The following APBB2 variants were observed in gnomAD, a reference collection of about 807,000 sequenced individuals.
The protein encoded by APBB2 is Fe65-like 1.
A neutral mutation model predicts 82.5 loss-of-function variants in APBB2; 38 were observed. The observed-to-expected ratio is 0.46, with a 90% confidence interval of 0.36 to 0.60. The LOEUF is 0.60. Among genes scored for constraint, APBB2 ranks in the 20% least tolerant of loss-of-function variants. APBB2 has a pLI of 0.00. For missense variants in APBB2, 772 were observed against 972.3 expected (o/e 0.79, Z 2.74); for synonymous variants, 341 against 368.2 (o/e 0.93, Z 0.85).
At chr4:41,158,499 G>C (rs1764026379) in intron 1 of APBB2, among the ~76,000 whole-genome samples, 1 of 152,182 alleles carries the variant, frequency 6.6e-6, no homozygotes, top group African/African-American at 2.4e-5. Context: ...ACATGTCTGG[G>C]CAACAGGTCT....
At chr4:41,142,338 C>G (rs776538660) in intron 2 of APBB2, among the ~76,000 whole-genome samples, 1 of 152,190 alleles carries the variant, frequency 6.6e-6, no homozygotes, top group Non-Finnish European at 1.5e-5. Context: ...ACCTGGCCCA[C>G]AGTGAGAGCA....
At chr4:41,030,477 G>A (rs189486206) in intron 5 of APBB2, among the ~76,000 whole-genome samples, 8 of 152,220 alleles carry the variant, frequency 5.3e-5, no homozygotes, top group African/African-American at 1.9e-4. Context: ...ATGCACTACA[G>A]CCTCAAATTC....
At position 40,934,508 on chromosome 4, in the gene APBB2, G is replaced by C; in HGVS notation, c.1202C>G (p.Pro401Arg). The C allele has an allele frequency of 6.2e-7, 1 of 1,614,132 alleles. No individual in the cohort carries two copies. Among genetic ancestry groups the C allele is most frequent in the South Asian group, 1.1e-5 (1 of 91,080 alleles). The change falls in exon 10 of 18, where the codon CCA (proline) becomes CGA (arginine). Residue 401 changes from proline to arginine, a missense_variant. Pro to Arg is a moderately radical substitution (Grantham distance 103). Transcript: ENST00000508593. ...RYASLKLRNAPHPDDDDSCSI... is the reference protein window; with the variant it reads ...RYASLKLRNARHPDDDDSCSI... ...ACAAGAATCATCATCATCAGGGTGTGGGGCATTTCTAGGCAGAAAAACAGA... is the reference window on the plus strand; with the variant it reads ...ACAAGAATCATCATCATCAGGGTGTCGGGCATTTCTAGGCAGAAAAACAGA...
chr4:41,157,039 C>G (rs540478135), intron 1 of APBB2, among the ~76,000 whole-genome samples: 14 of 145,316 alleles, frequency 9.6e-5, no homozygotes, highest in African/African-American at 3.4e-4. Context: ...GCACTCCAGC[C>G]TAGGTGACAG....
intron 1 of APBB2, among the ~76,000 whole-genome samples, chr4:41,170,986 C>T (rs1188181581): frequency 6.6e-6 from 1 of 152,172 alleles, no homozygotes; most frequent in African/African-American, 2.4e-5. Flanking sequence ...TGATAACATC[C>T]AGTGACTCAA....
rs1015580077 is a variant in APBB2 at position 40,869,163 on chromosome 4, G to A, written c.1529+21201C>T. Among the ~76,000 whole-genome samples, 10 of 152,092 alleles carry A rather than the reference G, an allele frequency of 6.6e-5. No homozygotes were observed. In the South Asian group the frequency reaches 2.1e-3, roughly 32 times the overall value. On this transcript the variant is annotated intron_variant, in intron 12 of 17. Coordinates refer to ENST00000508593, the MANE Select transcript of APBB2 (RefSeq NM_004307.2). ...CCTGCCTCAGACTCCTGAGTAGCTG[G>A]GATTACAGGCACCTGCCTGTAAACA...
At chr4:41,208,018 C>T (rs1778391228) in intron 1 of APBB2, 1 of 152,136 alleles carries the variant, frequency 6.6e-6, no homozygotes. Flanking sequence ...AACCACTAAC[C>T]AACAATAAAT....
At chr4:41,002,423 T>C (rs1805495539) in intron 6 of APBB2, among the ~76,000 whole-genome samples, 1 of 152,212 alleles carries the variant, frequency 6.6e-6, no homozygotes, top group Admixed American at 6.5e-5. Context: ...AAGAAGACTG[T>C]AGATCCAAGG....
chr4:41,180,200 A>C (rs1770942180), intron 1 of APBB2, among the ~76,000 whole-genome samples: 2 of 152,238 alleles, frequency 1.3e-5, no homozygotes, highest in Admixed American at 1.3e-4. Flanking sequence ...CCTCCTCGCT[A>C]TCTCTTACAA....
intron 15 of APBB2, among the ~76,000 whole-genome samples, chr4:40,825,207 C>T (rs1435807809): frequency 2.6e-5 from 4 of 152,222 alleles, no homozygotes; most frequent in Non-Finnish European, 5.9e-5. Context: ...CATGCACAAA[C>T]GTTTTCACTT....
At chr4:40,973,431 G>T (rs1313921023) in intron 6 of APBB2, among the ~76,000 whole-genome samples, 1 of 152,136 alleles carries the variant, frequency 6.6e-6, no homozygotes, top group Non-Finnish European at 1.5e-5. Flanking sequence ...GCCAACCCTA[G>T]AAGCCTTCCC....
intron 12 of APBB2, among the ~76,000 whole-genome samples, chr4:40,833,367 T>A (rs4861317): frequency 0.2 from 29,693 of 152,114 alleles, 3,379 homozygotes; most frequent in East Asian, 0.34. Context: ...AAGAGGTGGG[T>A]CTTGGTGTCC....
intron 10 of APBB2, among the ~76,000 whole-genome samples, chr4:40,895,237 T>C (rs1773337521): frequency 6.6e-6 from 1 of 151,260 alleles, no homozygotes; most frequent in South Asian, 2.1e-4. Flanking sequence ...AAGCAAACAG[T>C]GCGCTGATCC....
intron 12 of APBB2, among the ~76,000 whole-genome samples, chr4:40,885,144 T>C (rs1407952018): frequency 6.6e-6 from 1 of 152,186 alleles, no homozygotes; most frequent in Non-Finnish European, 1.5e-5. Context: ...CTGTTGATGG[T>C]TGTGTGAGAA....
intron 1 of APBB2, among the ~76,000 whole-genome samples, chr4:41,211,537 C>T (rs951561576): frequency 6.6e-6 from 1 of 151,946 alleles, no homozygotes; most frequent in Non-Finnish European, 1.5e-5. Flanking sequence ...GGCTGGAGTG[C>T]AGTGGCGCGA....
intron 3 of APBB2, among the ~76,000 whole-genome samples, chr4:41,077,524 T>C (rs1473029894): frequency 1.3e-5 from 2 of 151,862 alleles, no homozygotes; most frequent in South Asian, 2.1e-4. Context: ...ACAAAGTACA[T>C]AGAGTCAGAA....
intron 4 of APBB2, among the ~76,000 whole-genome samples, chr4:41,037,418 T>C (rs1427766177): frequency 6.6e-6 from 1 of 152,240 alleles, no homozygotes; most frequent in East Asian, 1.9e-4. Context: ...TTTCTACTTC[T>C]GGAATACATA....
intron 6 of APBB2, among the ~76,000 whole-genome samples, chr4:40,961,553 G>A (rs1793219594): frequency 1.3e-5 from 2 of 149,700 alleles, no homozygotes; most frequent in Non-Finnish European, 3.0e-5. Flanking sequence ...TAGATGTCGA[G>A]TTAGTGGGTG....
intron 1 of APBB2, among the ~76,000 whole-genome samples, chr4:41,177,109 T>C (rs1770034680): frequency 6.6e-6 from 1 of 151,996 alleles, no homozygotes; most frequent in East Asian, 1.9e-4. Context: ...CCATGGAAAG[T>C]GGTTGCCTTC....
Sources: gnomAD v4.1 joint callset for allele counts (sites outside exome capture counted in the v4.1 genomes callset) on GRCh38, gnomAD v4.1.1 for gene constraint, MANE v1.5 for transcripts, NCBI Gene and HGNC (gene_info 2026-07-23, HGNC 2026-07-21) for gene names.